Variants in RAI14 observed in about 807,000 individuals in gnomAD.
RAI14 encodes retinoic acid induced 14, also known as ankycorbin.
A neutral mutation model predicts 115.4 loss-of-function variants in RAI14; 45 were observed. The observed-to-expected ratio is 0.39, with a 90% CI of 0.31 to 0.50. The LOEUF (loss-of-function observed/expected upper bound fraction) is 0.50, where lower values mean the gene tolerates loss of function less well. RAI14 is among the 20% of genes least tolerant of loss of function. The probability of loss-of-function intolerance (pLI) is 0.85; values close to 1 mark genes in which losing one functional copy is unlikely to be tolerated. For missense variants in RAI14, 939 were observed against 1,131.2 expected, an observed-to-expected ratio of 0.83 and a Z score of 2.44; for synonymous variants, 371 against 415.4, an observed-to-expected ratio of 0.89 and a Z score of 1.30.
chr5:34,662,070 T>G (rs1742734913), intron 1 of RAI14, among the ~76,000 whole-genome samples: 1 of 152,230 alleles, frequency 6.6e-6, no homozygotes, highest in African/African-American at 2.4e-5. Context: ...ATTACAGGCA[T>G]GAGCCACTGC....
chr5:34,817,715 G>A (rs1756420288), intron 12 of RAI14, among the ~76,000 whole-genome samples: 1 of 152,190 alleles, frequency 6.6e-6, no homozygotes, highest in Admixed American at 6.5e-5. Context: ...AAGTCATCAT[G>A]CTGAGAGAAG....
At chr5:34,741,525 A>G (rs937117780) in intron 2 of RAI14, among the ~76,000 whole-genome samples, 50 of 152,358 alleles carry the variant, frequency 3.3e-4, no homozygotes, top group African/African-American at 1.2e-3. Flanking sequence ...TAAAAATGGG[A>G]GGAAAAAGTA....
At chr5:34,688,336 A>G (rs1738123869) in intron 2 of RAI14, 1 of 1,295,966 alleles carries the variant, frequency 7.7e-7, no homozygotes, top group Non-Finnish European at 1.1e-6. Context: ...TTCTATTCCA[A>G]GGGAATCTAG....
At chr5:34,720,229 A>G (rs988460857) in intron 2 of RAI14, among the ~76,000 whole-genome samples, 15 of 152,284 alleles carry the variant, frequency 9.9e-5, no homozygotes, top group African/African-American at 3.4e-4. Context: ...TCGCAGAAAA[A>G]GAATGGACAC....
intron 1 of RAI14, among the ~76,000 whole-genome samples, chr5:34,681,668 A>G (rs1287491043): frequency 6.6e-6 from 1 of 151,766 alleles, no homozygotes; most frequent in African/African-American, 2.4e-5. Flanking sequence ...CTAATTAAAA[A>G]AATTTTTTTT....
At chr5:34,722,738 T>TG (rs1263623216) in intron 2 of RAI14, among the ~76,000 whole-genome samples, 2 of 150,816 alleles carry the variant, frequency 1.3e-5, no homozygotes, top group Non-Finnish European at 3.0e-5. Flanking sequence ...TCCAGCTACT[T>TG]GGGGGGCTGA....
chr5:34,712,865 G>T (rs540713652), intron 2 of RAI14, among the ~76,000 whole-genome samples: 3 of 152,206 alleles, frequency 2.0e-5, no homozygotes, highest in Admixed American at 2.0e-4. Context: ...GATATGCCAT[G>T]CGGTATTATT....
At chr5:34,658,013 G>A (rs192679406) in intron 1 of RAI14, among the ~76,000 whole-genome samples, 13 of 152,318 alleles carry the variant, frequency 8.5e-5, no homozygotes, top group African/African-American at 3.1e-4. Flanking sequence ...GATTGATCCA[G>A]TTCTTATATT....
At chr5:34,720,939 G>A (rs943774748) in intron 2 of RAI14, among the ~76,000 whole-genome samples, 10 of 151,540 alleles carry the variant, frequency 6.6e-5, no homozygotes, top group African/African-American at 2.2e-4. Flanking sequence ...AATCCTCCGC[G>A]CTCAGCCTCC....
intron 1 of RAI14, among the ~76,000 whole-genome samples, chr5:34,665,722 C>G (rs1579854199): frequency 6.6e-6 from 1 of 152,210 alleles, no homozygotes; most frequent in East Asian, 1.9e-4. Flanking sequence ...CATTTATAAA[C>G]CTCCTTGGAA....
chr5:34,725,976 AAAG>A (rs1743409430), intron 2 of RAI14, among the ~76,000 whole-genome samples: 3 of 151,880 alleles, frequency 2.0e-5, no homozygotes, highest in Non-Finnish European at 2.9e-5. Context: ...AAAAAAAAAA[AAAG>A]CCACAAATAC....
chr5:34,666,497 T>A (rs1480059264), intron 1 of RAI14, among the ~76,000 whole-genome samples: 1 of 152,234 alleles, frequency 6.6e-6, no homozygotes, highest in Non-Finnish European at 1.5e-5. Flanking sequence ...GGCCACACTT[T>A]TAGTTGAGGA....
At chr5:34,772,637 T>C (rs1346183420) in intron 3 of RAI14, among the ~76,000 whole-genome samples, 1 of 152,134 alleles carries the variant, frequency 6.6e-6, no homozygotes, top group Non-Finnish European at 1.5e-5. Context: ...TTAAGCACTG[T>C]AGCAACAAGG....
chr5:34,757,387 C>T, intron 2 of RAI14, 81 bp from the exon 3 acceptor site: 1 of 1,484,764 alleles, frequency 6.7e-7, no homozygotes, highest in Non-Finnish European at 9.3e-7. Flanking sequence ...AGGGTGGGGG[C>T]TGCGAGGACT....
chr5:34,664,855 T>C (rs1177267750), intron 1 of RAI14, among the ~76,000 whole-genome samples: 2 of 150,760 alleles, frequency 1.3e-5, no homozygotes, highest in Non-Finnish European at 2.9e-5. Context: ...CTCCTACTTA[T>C]GGGTAGGAAT....
chr5:34,795,883 A>G (rs1580286962), intron 3 of RAI14, 56 bp from the exon 4 acceptor site: 3 of 1,455,886 alleles, frequency 2.1e-6, no homozygotes, highest in Non-Finnish European at 1.9e-6. Context: ...ACTCTGTTGG[A>G]GATGAACATT....
Position 34,811,105 on chromosome 5 carries a change from A to G in RAI14, c.544A>G (p.Asn182Asp), listed in dbSNP as rs768548378. 18 of 1,613,950 alleles carry G rather than the reference A, an allele frequency of 1.1e-5. No homozygotes were observed. The highest frequency in any genetic ancestry group is 1.4e-5 in the Non-Finnish European group (17 of 1,180,028). ...LDHGADVNSR[N>D]KSGRTALMLA... is the part of the protein sequence containing the mutation. ...TCATGGAGCAGATGTCAATTCCAGGAACAAAAGTGGAAGGTACTCCAGAAT... is the reference window on the plus strand; with the variant it reads ...TCATGGAGCAGATGTCAATTCCAGGGACAAAAGTGGAAGGTACTCCAGAAT... The change falls in exon 8 of 18, where the codon AAC (asparagine) becomes GAC (aspartate). Residue 182 changes from asparagine to aspartate, a missense_variant. Coordinates refer to ENST00000265109, the MANE Select transcript of RAI14 (RefSeq NM_015577.3).
In RAI14 at chr5:34,687,705, A is replaced by T. The variant is rs767644163; in HGVS notation, c.36+750A>T. The T allele has an allele frequency of 2.7e-5, 42 of 1,551,446 alleles. No individual in the cohort carries two copies. In the Middle Eastern group the frequency reaches 1.0e-3, roughly 37 times the overall value. ...GGAGTGGGAGAAATTAATGGAAGGGAATTAGATGGAAGCCAAGGTATGTCA... is the reference window on the plus strand; with the variant it reads ...GGAGTGGGAGAAATTAATGGAAGGGTATTAGATGGAAGCCAAGGTATGTCA... On this transcript the variant is annotated intron_variant, in intron 2 of 17. Coordinates refer to ENST00000265109, the MANE Select transcript of RAI14 (RefSeq NM_015577.3).
At chr5:34,662,541 C>A (rs1016713521) in intron 1 of RAI14, among the ~76,000 whole-genome samples, 1 of 151,960 alleles carries the variant, frequency 6.6e-6, no homozygotes, top group African/African-American at 2.4e-5. Flanking sequence ...TGATGATATC[C>A]TTTAAAACAT....
Sources: gnomAD v4.1 joint callset for allele counts (sites outside exome capture counted in the v4.1 genomes callset) on GRCh38, gnomAD v4.1.1 for gene constraint, MANE v1.5 for transcripts, NCBI Gene and HGNC (gene_info 2026-07-23, HGNC 2026-07-21) for gene names.